VTCN1: variants seen among roughly 807,000 people sequenced by gnomAD.
VTCN1 encodes the protein V-set domain containing T cell activation inhibitor 1, also known as V-set domain-containing T-cell activation inhibitor 1.
A neutral mutation model predicts 26.5 loss-of-function variants in VTCN1; 26 were observed. The ratio of observed to expected loss-of-function variants is 0.98; its 90% CI spans 0.72 to 1.36. The LOEUF is 1.36. VTCN1 is among the 40% of genes most tolerant of loss of function. The probability of loss-of-function intolerance (pLI) is 0.00; values close to 1 mark genes in which losing one functional copy is unlikely to be tolerated. For synonymous variants in VTCN1, 116 were observed against 130.7 expected, an observed-to-expected ratio of 0.89 and a Z score of 0.77; for missense variants, 298 against 337.7, an observed-to-expected ratio of 0.88 and a Z score of 0.92.
intron 1 of VTCN1, among the ~76,000 whole-genome samples, chr1:117,206,317 A>G (rs1649073562): frequency 6.6e-6 from 1 of 152,140 alleles, no homozygotes; most frequent in Non-Finnish European, 1.5e-5. Flanking sequence ...GTGAAATTGA[A>G]GTTAACAAAT....
chr1:117,158,554 C>T (rs1473863230), intron 2 of VTCN1, among the ~76,000 whole-genome samples: 1 of 152,192 alleles, frequency 6.6e-6, no homozygotes, highest in African/African-American at 2.4e-5. Flanking sequence ...AAACTATTTT[C>T]TCCTAGGACC....
chr1:117,156,905 T>TG lies in VTCN1; in HGVS notation c.113dup (p.Val39SerfsTer21). On this transcript the variant is annotated frameshift_variant, in exon 3 of 6. Transcript: ENST00000369458. LOFTEE classifies it high-confidence loss of function. ...TCCCAGCTGAGGCGACAGTAGTGAC[T>TG]GTGATGGAGTGTCTCCCTGCAGTTC... 9 of 1,614,090 alleles carry TG rather than the reference T, an allele frequency of 5.6e-6. No homozygotes were observed. Among genetic ancestry groups the TG allele is most frequent in the Non-Finnish European group, 7.6e-6 (9 of 1,180,014 alleles).
At chr1:117,204,565 T>A (rs1239893856) in intron 1 of VTCN1, among the ~76,000 whole-genome samples, 1 of 152,006 alleles carries the variant, frequency 6.6e-6, no homozygotes, top group Non-Finnish European at 1.5e-5. Context: ...CAATATAGGA[T>A]CTTGAAAAAA....
At chr1:117,181,624 T>A (rs547095854) in intron 1 of VTCN1, among the ~76,000 whole-genome samples, 3 of 152,324 alleles carry the variant, frequency 2.0e-5, no homozygotes, top group South Asian at 4.1e-4. Flanking sequence ...TTCTCTTTTT[T>A]AAATGGATTT....
intron 1 of VTCN1, chr1:117,172,465 TC>T (rs376290328): frequency 2.3e-5 from 12 of 518,802 alleles, no homozygotes; most frequent in African/African-American, 2.3e-4. Context: ...CTAGATAAAG[TC>T]ATAGCGAGAG....
chr1:117,153,275 G>A lies in VTCN1; in HGVS notation c.540C>T (p.Val180=). Residue 180 remains valine (V), a synonymous_variant, in exon 4 of 6, where the codon GTC becomes GTT. Transcript: ENST00000369458. ...CTCCCTGGTCAACTTGGGATGCCCAGACCACTGTGGGCTGGGGGAACCATC... is the reference window on the plus strand; with the variant it reads ...CTCCCTGGTCAACTTGGGATGCCCAAACCACTGTGGGCTGGGGGAACCATC... ...APRWFPQPTV[V]WASQVDQGAN... is the part of the protein sequence containing the mutation. 1 of 1,614,098 alleles carries A rather than the reference G, an allele frequency of 6.2e-7. No homozygotes were observed. Among genetic ancestry groups the A allele is most frequent in the Non-Finnish European group, 8.5e-7 (1 of 1,180,016 alleles).
In VTCN1 at chr1:117,145,708, A is replaced by G. The variant is rs1274660810; in HGVS notation, c.*46-483T>C. Among the ~76,000 whole-genome samples, 1 of 152,170 alleles carries G rather than the reference A, an allele frequency of 6.6e-6. No individual in the cohort carries two copies. Among genetic ancestry groups the G allele is most frequent in the Non-Finnish European group, 1.5e-5 (1 of 68,030 alleles). On this transcript the variant is annotated intron_variant, in intron 5 of 5. Coordinates refer to ENST00000369458, the MANE Select transcript of VTCN1 (RefSeq NM_024626.4). The surrounding 1 kb of genome is among the most constrained non-coding windows in gnomAD (Gnocchi z 4.6). ...AGTGCAGTGGTGCAAACATTGGCTC[A>G]CTGCAGCCTAAACCTCCTGGGCTCA...
At chr1:117,187,779 G>A (rs891453801) in intron 1 of VTCN1, among the ~76,000 whole-genome samples, 1 of 151,750 alleles carries the variant, frequency 6.6e-6, no homozygotes, top group African/African-American at 2.4e-5. Flanking sequence ...GCATACCAAA[G>A]TGAGGTGCCA....
intron 3 of VTCN1, among the ~76,000 whole-genome samples, chr1:117,154,903 G>A (rs753722462): frequency 6.6e-5 from 10 of 151,854 alleles, no homozygotes; most frequent in Non-Finnish European, 1.3e-4. Context: ...TTTTTCCACT[G>A]ATGTTCTTTT....
At chr1:117,152,364 A>G (rs1183740481) in intron 4 of VTCN1, among the ~76,000 whole-genome samples, 1 of 152,102 alleles carries the variant, frequency 6.6e-6, no homozygotes, top group Non-Finnish European at 1.5e-5. Context: ...CTCCTGACGT[A>G]CTCCTTTCAC....
At chr1:117,151,897 A>C (rs1306492230) in intron 4 of VTCN1, among the ~76,000 whole-genome samples, 1 of 152,114 alleles carries the variant, frequency 6.6e-6, no homozygotes, top group Admixed American at 6.6e-5. Flanking sequence ...TAGAGTAGCC[A>C]CCCTAATGGG....
At position 117,153,182 on chromosome 1, in the gene VTCN1, C is replaced by T; in HGVS notation, c.633G>A (p.Val211=). 6.2e-7 allele frequency: 1 copy of T among 1,614,152 alleles called. No individual in the cohort carries two copies. Among genetic ancestry groups the T allele is most frequent in the Non-Finnish European group, 8.5e-7 (1 of 1,180,028 alleles). Residue 211 remains valine (V), a synonymous_variant, in exon 4 of 6, where the codon GTG becomes GTA. Coordinates refer to ENST00000369458, the MANE Select transcript of VTCN1 (RefSeq NM_024626.4). The part of the protein sequence containing the change: ...LNSENVTMKV[V]SVLYNVTINN... ...TGATCGTAACATTGTAGAGCACAGA[C>T]ACAACCTTCATGGTCACATTCTCAG...
At chr1:117,191,417 G>T (rs890338460) in intron 1 of VTCN1, among the ~76,000 whole-genome samples, 1 of 152,198 alleles carries the variant, frequency 6.6e-6, no homozygotes, top group Non-Finnish European at 1.5e-5. Context: ...ACTTTCGGAG[G>T]CCAAGGTGGG....
intron 2 of VTCN1, among the ~76,000 whole-genome samples, chr1:117,163,954 C>A (rs1364936386): frequency 6.6e-6 from 1 of 152,100 alleles, no homozygotes. Context: ...CACACCTAGT[C>A]GGTTTATCCA....
In VTCN1 at chr1:117,156,716, T is replaced by C. The variant is rs1023697381; in HGVS notation, c.303A>G (p.Thr101=). 6.2e-7 allele frequency: 1 copy of C among 1,614,226 alleles called. No individual in the cohort carries two copies. The highest frequency in any genetic ancestry group is 1.7e-5 in the Admixed American group (1 of 60,028). Residue 101 remains threonine, a synonymous_variant, in exon 3 of 6, where the codon ACA becomes ACG. Coordinates refer to ENST00000369458, the MANE Select transcript of VTCN1 (RefSeq NM_024626.4). The part of the protein sequence containing the change: ...SEQDEMFRGR[T]AVFADQVIVG... ...CTATCACTTGATCAGCAAACACTGC[T>C]GTCCGGCCTCTGAACATTTCATCCT... is the stretch of plus-strand genomic sequence containing the variant.
At chr1:117,192,537 C>G (rs1648295402) in intron 1 of VTCN1, among the ~76,000 whole-genome samples, 3 of 152,102 alleles carry the variant, frequency 2.0e-5, no homozygotes, top group African/African-American at 7.2e-5. Flanking sequence ...TCACATTAAA[C>G]TGTAGTATAA....
chr1:117,209,103 C>T (rs12046916), intron 1 of VTCN1, among the ~76,000 whole-genome samples: 79,799 of 152,102 alleles, frequency 0.52, 24,842 homozygotes, highest in Non-Finnish European at 0.67. Context: ...CTGCCACCCT[C>T]ATGGACAGTC....
Position 117,203,038 on chromosome 1 carries a change from T to C in VTCN1, c.32+7786A>G, listed in dbSNP as rs184407257. Among the ~76,000 whole-genome samples, 374 of 151,978 alleles carry C rather than the reference T, an allele frequency of 2.5e-3. 2 individuals are homozygous for C. The highest frequency in any genetic ancestry group is 0.017 in the Admixed American group (257 of 15,256). On this transcript the variant is annotated intron_variant, in intron 1 of 5. Transcript: ENST00000369458. ...TCTGCTGGAGGAGGTGTTTGCGAGC[T>C]GGGAGATGAGATGGATCCAGAGCAC...
chr1:117,153,135 A>G lies in VTCN1; in HGVS notation c.680T>C (p.Ile227Thr). Residue 227 changes from isoleucine (I) to threonine (T), a missense_variant, in exon 4 of 6, where the codon ATT becomes ACT. Physicochemically the swap from Ile to Thr is moderately conservative, Grantham distance 89. Transcript: ENST00000369458. Reference protein sequence around the residue: ...VTINNTYSCMIENDIAKATGD... With the variant: ...VTINNTYSCMTENDIAKATGD... ...TGTTGCTTTGGCAATGTCATTTTCA[A>G]TCATACAGGAGTATGTGTTGTTGAT... The G allele has an allele frequency of 6.2e-7, 1 of 1,613,268 alleles. No individual in the cohort carries two copies. The highest frequency in any genetic ancestry group is 1.3e-5 in the African/African-American group (1 of 75,054).
Sources: allele counts gnomAD v4.1 joint callset (sites outside exome capture counted in the v4.1 genomes callset), GRCh38; gene constraint gnomAD v4.1.1; non-coding constraint Gnocchi (gnomAD v3.1); transcripts MANE v1.5; gene names NCBI Gene and HGNC (gene_info 2026-07-23, HGNC 2026-07-21).